ERAP1: variants seen among roughly 807,000 people sequenced by gnomAD.
The protein encoded by ERAP1 is adipocyte-derived leucine aminopeptidase.
In ERAP1, 86 loss-of-function variants were observed where a neutral mutation model predicts 103.7. That is an observed-to-expected ratio of 0.83 (90% CI 0.70 to 0.99). ERAP1 has a LOEUF of 0.99. ERAP1 is among the 50% of genes least tolerant of loss of function. ERAP1 has a pLI of 0.00. For missense variants in ERAP1, 1,009 were observed against 1,128.4 expected, an observed-to-expected ratio of 0.89 and a Z score of 1.52; for synonymous variants, 398 against 402.4, an observed-to-expected ratio of 0.99 and a Z score of 0.13.
Position 96,775,888 on chromosome 5 carries a change from C to T in ERAP1, c.*508G>A, listed in dbSNP as rs900739031. The T allele has an allele frequency of 2.2e-6, 2 of 910,040 alleles. No homozygotes were observed. The highest frequency in any genetic ancestry group is 2.6e-6 in the Non-Finnish European group (2 of 757,712). The allele number at this position is 910,040 out of a possible 1,614,324, so 56.4% of individuals were successfully genotyped here. A position where few individuals can be genotyped will look rare whatever the true frequency, so the allele number is the denominator to read the frequency against. ...GGGCAAGAAAGCTTGATGACTTGGCCTTTACAAGTCAGCCCCTGGGCATGG... is the reference window on the plus strand; with the variant it reads ...GGGCAAGAAAGCTTGATGACTTGGCTTTTACAAGTCAGCCCCTGGGCATGG... On this transcript the variant is annotated 3_prime_UTR_variant, in exon 19 of 19. Transcript: ENST00000443439.
chr5:96,777,177 T>G (rs1774454269), intron 18 of ERAP1, among the ~76,000 whole-genome samples: 1 of 152,246 alleles, frequency 6.6e-6, no homozygotes, highest in South Asian at 2.1e-4. Context: ...AAAATATGTT[T>G]GTTCTTGTTT....
At chr5:96,884,873 A>G in the ERAP1 span, among the ~76,000 whole-genome samples, 1 of 152,082 alleles carries the variant, frequency 6.6e-6, no homozygotes, top group South Asian at 2.1e-4. Context: ...GGAAACACAC[A>G]CTCACTGGTG....
chr5:96,849,682 C>T, the ERAP1 span, among the ~76,000 whole-genome samples: 14 of 152,076 alleles, frequency 9.2e-5, no homozygotes, highest in Non-Finnish European at 2.1e-4. Context: ...GTCCATACTA[C>T]CCAAAATGAT....
At chr5:96,832,275 A>G in the ERAP1 span, among the ~76,000 whole-genome samples, 1 of 152,240 alleles carries the variant, frequency 6.6e-6, no homozygotes, top group African/African-American at 2.4e-5. Context: ...CTGTCCCCTG[A>G]GATGAATGCT....
At chr5:96,773,877 G>A (rs1033936161), downstream of ERAP1, 17 of 152,232 alleles carry the variant, frequency 1.1e-4, no homozygotes, top group Admixed American at 6.6e-5. Context: ...TGAAGCTTTT[G>A]TTATGACTTA....
chr5:96,799,873 C>T (rs1012015745), intron 3 of ERAP1, among the ~76,000 whole-genome samples: 4 of 152,120 alleles, frequency 2.6e-5, no homozygotes, highest in Non-Finnish European at 5.9e-5. Flanking sequence ...AGCCCTCTGG[C>T]GTGGGGTGGG....
the ERAP1 span, chr5:96,896,661 C>A: frequency 1.3e-6 from 2 of 1,487,220 alleles, no homozygotes; most frequent in Non-Finnish European, 1.8e-6. Context: ...AAAATTTAAG[C>A]TTCCTTTAAA....
chr5:96,908,950 T>C, the ERAP1 span: 1 of 1,609,884 alleles, frequency 6.2e-7, no homozygotes, highest in Non-Finnish European at 8.5e-7. Flanking sequence ...GACATTTGTT[T>C]TATACTTCAG....
the ERAP1 span, among the ~76,000 whole-genome samples, chr5:96,907,598 C>A: frequency 6.7e-6 from 1 of 150,244 alleles, no homozygotes. Flanking sequence ...ATACGGCAGA[C>A]TAGCCGGGCC....
At chr5:96,896,635 A>G in the ERAP1 span, 30 of 1,430,786 alleles carry the variant, frequency 2.1e-5, no homozygotes, top group Middle Eastern at 1.2e-3. Context: ...CTTTTCAGAC[A>G]TCACACATGT....
At chr5:96,797,970 C>T (rs892117676) in intron 3 of ERAP1, among the ~76,000 whole-genome samples, 4 of 152,108 alleles carry the variant, frequency 2.6e-5, no homozygotes, top group Admixed American at 6.5e-5. Context: ...TGAGCATATA[C>T]GCAACGGGGA....
the ERAP1 span, chr5:96,915,809 T>C: frequency 2.7e-6 from 4 of 1,464,690 alleles, no homozygotes; most frequent in African/African-American, 5.7e-5. Context: ...AAAATAAATG[T>C]TCAAATTGTG....
In ERAP1 at chr5:96,774,784, A is replaced by T. The variant is rs1773760465; in HGVS notation, c.*1612T>A. On this transcript the variant is annotated 3_prime_UTR_variant, in exon 19 of 19. Transcript: ENST00000443439. ...ATTAAACCATTCACTACAACAAATA[A>T]GTATAAAAATTCCAATTCCACTTTT... 1.0e-6 allele frequency: 1 copy of T among 984,386 alleles called. No individual in the cohort carries two copies. Among genetic ancestry groups the T allele is most frequent in the Non-Finnish European group, 1.2e-6 (1 of 828,856 alleles). 61.0% of individuals were successfully genotyped at this position (984,386 alleles called of 1,614,324 possible). A position where few individuals can be genotyped will look rare whatever the true frequency, so the allele number is the denominator to read the frequency against.
the ERAP1 span, chr5:96,889,351 C>G: frequency 6.2e-7 from 1 of 1,608,546 alleles, no homozygotes; most frequent in East Asian, 2.2e-5. Flanking sequence ...GCTCATAAAA[C>G]TTGCTTTGAT....
chr5:96,892,066 C>G, the ERAP1 span, among the ~76,000 whole-genome samples: 1 of 152,084 alleles, frequency 6.6e-6, no homozygotes, highest in African/African-American at 2.4e-5. Context: ...GGTTAAATGT[C>G]CATATGTTAC....
chr5:96,907,144 C>G, the ERAP1 span, among the ~76,000 whole-genome samples: 1 of 152,158 alleles, frequency 6.6e-6, no homozygotes, highest in Non-Finnish European at 1.5e-5. Flanking sequence ...TAGGTGTGGA[C>G]TTTTACTGTT....
the ERAP1 span, among the ~76,000 whole-genome samples, chr5:96,884,555 T>TTTTGTTTG: frequency 0.54 from 81,853 of 151,190 alleles, 22,145 homozygotes; most frequent in Admixed American, 0.6. Context: ...TATACAAGTT[T>TTTTGTTTG]TTTGTTTGTT....
chr5:96,797,851 C>T (rs933118884), intron 3 of ERAP1, among the ~76,000 whole-genome samples: 4 of 152,110 alleles, frequency 2.6e-5, no homozygotes, highest in African/African-American at 9.7e-5. Flanking sequence ...ATTGATAACA[C>T]GGATGAGACA....
At chr5:96,873,882 G>A in the ERAP1 span, among the ~76,000 whole-genome samples, 1 of 151,986 alleles carries the variant, frequency 6.6e-6, no homozygotes, top group African/African-American at 2.4e-5. Context: ...GAAGTATAAG[G>A]AACTGACCAA....
Sources: gnomAD v4.1 joint callset for allele counts (sites outside exome capture counted in the v4.1 genomes callset) on GRCh38, gnomAD v4.1.1 for gene constraint, MANE v1.5 for transcripts, NCBI Gene and HGNC (gene_info 2026-07-23, HGNC 2026-07-21) for gene names.